CDC45: variants seen among roughly 807,000 people sequenced by gnomAD.
The protein encoded by CDC45 is cell division cycle 45.
CDC45 carries 54 observed loss-of-function variants against 77.8 expected under a neutral mutation model. That is an observed-to-expected ratio of 0.69 (90% CI 0.56 to 0.87). CDC45 has a LOEUF of 0.87. CDC45 is among the 40% of genes least tolerant of loss of function. The pLI, the probability that CDC45 is intolerant of heterozygous loss-of-function variation, is 0.00. For missense variants in CDC45, 649 were observed against 721.6 expected (o/e 0.90, Z 1.15); for synonymous variants, 260 against 272.1 (o/e 0.96, Z 0.44).
Position 19,520,040 on chromosome 22 carries a change from GCT to G in CDC45, c.*2-436_*2-435del, listed in dbSNP as rs1035554901. ...AGGGTGGGGCGGAGGCAGAGGTGGG[GCT>G]CTCTGGCAGTGGAGTGGGTGCTAGA... On this transcript the variant is annotated intron_variant, in intron 18 of 18. Transcript: ENST00000263201. This position sits in a 1 kb window ranked among gnomAD's most constrained non-coding sequence, Gnocchi z 4.5. 6.6e-6 allele frequency among the ~76,000 whole-genome samples: 1 copy of G among 152,198 alleles called. No homozygotes were observed. The highest frequency in any genetic ancestry group is 2.4e-5 in the African/African-American group (1 of 41,438).
intron 6 of CDC45, among the ~76,000 whole-genome samples, chr22:19,495,541 G>A (rs924115077): frequency 2.7e-4 from 41 of 152,244 alleles, no homozygotes; most frequent in African/African-American, 8.4e-4. Context: ...TAAGTGGCCA[G>A]GTGTTGTGGC....
chr22:19,507,719 C>T (rs749385188), intron 11 of CDC45, 47 bp from the exon 12 acceptor site: 22 of 1,454,244 alleles, frequency 1.5e-5, no homozygotes, highest in South Asian at 1.4e-4. Flanking sequence ...TCCACCCTGT[C>T]GGTGTGTGGT....
chr22:19,490,111 T>C (rs2090131816), intron 5 of CDC45, among the ~76,000 whole-genome samples: 1 of 152,254 alleles, frequency 6.6e-6, no homozygotes, highest in Non-Finnish European at 1.5e-5. Flanking sequence ...CTTTGATTAA[T>C]GTTTGCACGA....
intron 5 of CDC45, among the ~76,000 whole-genome samples, chr22:19,493,997 G>A (rs1349301394): frequency 1.3e-5 from 2 of 152,182 alleles, no homozygotes; most frequent in Non-Finnish European, 2.9e-5. Context: ...GTACAAAGTG[G>A]GTGTGAGCTT....
intron 5 of CDC45, among the ~76,000 whole-genome samples, chr22:19,488,070 C>T (rs1292338413): frequency 6.6e-6 from 1 of 152,204 alleles, no homozygotes; most frequent in African/African-American, 2.4e-5. Context: ...ACTTAATCTA[C>T]AGGTGCTATA....
intron 17 of CDC45, 93 bp downstream of exon 17, chr22:19,516,986 G>GCTCCTCC: frequency 9.3e-7 from 1 of 1,075,224 alleles, no homozygotes; most frequent in Non-Finnish European, 1.4e-6. Context: ...ATGGCTGGAG[G>GCTCCTCC]AGCCTGGCCA....
intron 5 of CDC45, among the ~76,000 whole-genome samples, chr22:19,486,052 C>T (rs2090062095): frequency 6.7e-6 from 1 of 149,952 alleles, no homozygotes; most frequent in African/African-American, 2.4e-5. Flanking sequence ...GATGGAGTCT[C>T]ACTCTGTCAC....
At chr22:19,512,623 T>A (rs566068741) in intron 13 of CDC45, among the ~76,000 whole-genome samples, 5 of 152,342 alleles carry the variant, frequency 3.3e-5, no homozygotes, top group African/African-American at 1.2e-4. Context: ...CTTCCTGCTA[T>A]GACAAAGGAG....
chr22:19,515,768 AGTT>A (rs916849203), intron 15 of CDC45, among the ~76,000 whole-genome samples: 4 of 152,154 alleles, frequency 2.6e-5, no homozygotes, highest in African/African-American at 9.7e-5. Flanking sequence ...CTCATTTGCC[AGTT>A]GTGTGACGTG....
chr22:19,487,705 A>C (rs2090092824), intron 5 of CDC45, among the ~76,000 whole-genome samples: 1 of 151,910 alleles, frequency 6.6e-6, no homozygotes, highest in Non-Finnish European at 1.5e-5. Context: ...CGAGGTCAGG[A>C]GATTGAGACC....
chr22:19,503,197 T>C (rs796462970), intron 9 of CDC45, among the ~76,000 whole-genome samples: 8 of 152,220 alleles, frequency 5.3e-5, no homozygotes, highest in Non-Finnish European at 8.8e-5. Context: ...AACTTTCTCA[T>C]AGTTTTTCCA....
intron 5 of CDC45, among the ~76,000 whole-genome samples, chr22:19,492,013 C>A (rs576231416): frequency 6.6e-6 from 1 of 152,178 alleles, no homozygotes; most frequent in East Asian, 1.9e-4. Flanking sequence ...TCCATGTTGG[C>A]CAGGCTGGTC....
intron 5 of CDC45, among the ~76,000 whole-genome samples, chr22:19,484,542 G>A (rs1379934923): frequency 6.6e-6 from 1 of 152,234 alleles, no homozygotes; most frequent in Non-Finnish European, 1.5e-5. Context: ...GCTTCTGCAA[G>A]ATGTAAAATG....
chr22:19,489,428 T>C (rs921298642), intron 5 of CDC45, among the ~76,000 whole-genome samples: 5 of 152,022 alleles, frequency 3.3e-5, no homozygotes, highest in Non-Finnish European at 5.9e-5. Flanking sequence ...TGGTAACCAC[T>C]AGAGAGCTCC....
chr22:19,503,950 T>A (rs1206276022), intron 9 of CDC45, among the ~76,000 whole-genome samples: 1 of 152,222 alleles, frequency 6.6e-6, no homozygotes, highest in East Asian at 1.9e-4. Flanking sequence ...AAGGTTGACA[T>A]TGCCCTGTCA....
intron 2 of CDC45, among the ~76,000 whole-genome samples, chr22:19,480,636 T>C (rs890706593): frequency 6.6e-6 from 1 of 151,942 alleles, no homozygotes; most frequent in Non-Finnish European, 1.5e-5. Flanking sequence ...TTAGGGAAGA[T>C]CGTTAGTTTG....
intron 5 of CDC45, among the ~76,000 whole-genome samples, chr22:19,484,467 G>A (rs1051509665): frequency 1.1e-4 from 17 of 152,326 alleles, no homozygotes; most frequent in South Asian, 1.0e-3. Flanking sequence ...TTTTCACCAT[G>A]TGGACCTTGG....
At chr22:19,500,283 A>G (rs980676130) in intron 9 of CDC45, among the ~76,000 whole-genome samples, 6 of 152,116 alleles carry the variant, frequency 3.9e-5, no homozygotes, top group Admixed American at 1.3e-4. Context: ...GCTCAGTGGC[A>G]CTTCCTGTAC....
intron 10 of CDC45, among the ~76,000 whole-genome samples, chr22:19,506,644 G>A (rs1486103801): frequency 6.6e-6 from 1 of 152,178 alleles, no homozygotes; most frequent in African/African-American, 2.4e-5. Flanking sequence ...TTAAGAAAAG[G>A]GCTGAGGAGG....
Sources: allele counts gnomAD v4.1 joint callset (sites outside exome capture counted in the v4.1 genomes callset), GRCh38; gene constraint gnomAD v4.1.1; non-coding constraint Gnocchi (gnomAD v3.1); transcripts MANE v1.5; gene names NCBI Gene and HGNC (gene_info 2026-07-23, HGNC 2026-07-21).